The following SNRPE variants were observed in gnomAD, a reference collection of about 807,000 sequenced individuals.
SNRPE encodes the protein small nuclear ribonucleoprotein E.
For missense variants in SNRPE, 53 were observed against 111.6 expected, an observed-to-expected ratio of 0.48 and a Z score of 2.36; for synonymous variants, 35 against 36.7, an observed-to-expected ratio of 0.95 and a Z score of 0.17.
At position 203,864,294 on chromosome 1, in the gene SNRPE, A is replaced by G. The variant is rs1690041310; in HGVS notation, c.144+569A>G. Among the ~76,000 whole-genome samples, 5 of 151,990 alleles carry G rather than the reference A, an allele frequency of 3.3e-5. 1 individual carries two copies. Reference sequence around the variant, plus strand: ...AAAATTATTCGAAAAAAAAATATTGAGCGACAATGTTAGTATGGAGAGGGG... The same window carrying G: ...AAAATTATTCGAAAAAAAAATATTGGGCGACAATGTTAGTATGGAGAGGGG... On this transcript the variant is annotated intron_variant, in intron 3 of 4. Transcript: ENST00000414487.
Position 203,870,037 on chromosome 1 carries a change from T to TTAC in SNRPE, c.*109_*111dup. 3 of 663,602 alleles carry TTAC rather than the reference T, an allele frequency of 4.5e-6. No homozygotes were observed. The highest frequency in any genetic ancestry group is 7.5e-6 in the Non-Finnish European group (3 of 399,836). The allele number at this position is 663,602 out of a possible 1,614,324, so 41.1% of individuals were successfully genotyped here. On this transcript the variant is annotated 3_prime_UTR_variant, in exon 5 of 5. Coordinates refer to ENST00000414487, the MANE Select transcript of SNRPE (RefSeq NM_003094.4). ...TCATATTGTTTTGATTACCCTCGTG[T>TTAC]TACTACAAGATGGCAATAAATACTA...
chr1:203,862,175 T>G, intron 1 of SNRPE, 21 bp from the exon 2 acceptor site: 1 of 1,603,232 alleles, frequency 6.2e-7, no homozygotes, highest in South Asian at 1.1e-5. Flanking sequence ...TTGTATTTTT[T>G]CCTTAGCCAC....
chr1:203,866,930 T>C (rs1324925223), intron 4 of SNRPE, among the ~76,000 whole-genome samples: 2 of 143,346 alleles, frequency 1.4e-5, no homozygotes, highest in African/African-American at 2.6e-5. Context: ...GTATATGATA[T>C]TCCTTGTGTC....
intron 3 of SNRPE, among the ~76,000 whole-genome samples, chr1:203,864,438 A>T (rs200088005): frequency 6.7e-5 from 10 of 148,956 alleles, no homozygotes; most frequent in South Asian, 4.3e-4. Context: ...GCTACCCTAA[A>T]TTTTTTTTTT....
chr1:203,869,289 C>CTTTTTTTTTTTTTTTTTTTTTTTT (rs564988259), intron 4 of SNRPE, among the ~76,000 whole-genome samples: 3 of 66,814 alleles, frequency 4.5e-5, no homozygotes, highest in African/African-American at 6.0e-5. Flanking sequence ...AGGATGGAGT[C>CTTTTTTTTTTTTTTTTTTTTTTTT]TTTTTTTTTT....
intron 4 of SNRPE, among the ~76,000 whole-genome samples, chr1:203,868,082 CAG>C (rs1242713894): frequency 4.9e-5 from 3 of 61,802 alleles, no homozygotes; most frequent in African/African-American, 1.1e-4. Flanking sequence ...TTTTTGGAGA[CAG>C]AGTCTCTGTC....
intron 4 of SNRPE, among the ~76,000 whole-genome samples, chr1:203,866,103 G>A (rs938703245): frequency 2.6e-5 from 4 of 152,164 alleles, no homozygotes; most frequent in Admixed American, 6.5e-5. Context: ...CTGAAAGTCC[G>A]ACATCACTAA....
chr1:203,861,622 G>C lies in SNRPE; in HGVS notation c.-38G>C. ...TTCTTTATTCCGGAAGTTGCTCTCA[G>C]AGGCAGCGTGCGGGTGTGCTCTTTG... is the stretch of plus-strand genomic sequence containing the variant. On this transcript the variant is annotated 5_prime_UTR_variant, in exon 1 of 5. Transcript: ENST00000414487. 1 of 1,572,982 alleles carries C rather than the reference G, an allele frequency of 6.4e-7. No homozygotes were observed. Among genetic ancestry groups the C allele is most frequent in the South Asian group, 1.1e-5 (1 of 90,212 alleles).
intron 4 of SNRPE, 146 bp downstream of exon 4, chr1:203,865,265 TCTA>T (rs1209673227): frequency 2.8e-6 from 2 of 715,346 alleles, no homozygotes; most frequent in African/African-American, 1.8e-5. Flanking sequence ...GAAATCATCC[TCTA>T]CTACTCACTC....
chr1:203,862,182 C>A lies in SNRPE; in HGVS notation c.55-14C>A. ...TGCTGCTTTTGTATTTTTTCCTTAG[C>A]CACTGTGGTGCAGAACCTCATCTTC... On this transcript the variant is annotated splice_polypyrimidine_tract_variant and intron_variant, in intron 1 of 4. Coordinates refer to ENST00000414487, the MANE Select transcript of SNRPE (RefSeq NM_003094.4). 6.2e-7 allele frequency: 1 copy of A among 1,605,352 alleles called. No homozygotes were observed. Among genetic ancestry groups the A allele is most frequent in the Non-Finnish European group, 8.5e-7 (1 of 1,172,034 alleles).
At chr1:203,865,175 T>TAAA in intron 4 of SNRPE, 56 bp downstream of exon 4, 1 of 1,441,168 alleles carries the variant, frequency 6.9e-7, no homozygotes, top group African/African-American at 1.4e-5. Flanking sequence ...ACTTGCAGAA[T>TAAA]TCAGTGACCT....
In SNRPE at chr1:203,867,611, A is replaced by G. The variant is rs200699870; in HGVS notation, c.224-2266A>G. On this transcript the variant is annotated intron_variant, in intron 4 of 4. Transcript: ENST00000414487. The stretch of plus-strand genomic sequence containing the variant: ...TAGATCCCTCTTTGCCCGGTTCACA[A>G]TAGGTTTTGCGCTCCTATGAGAATC... Among the ~76,000 whole-genome samples the G allele has an allele frequency of 1.2e-4, 18 of 152,184 alleles. No individual in the cohort carries two copies. The East Asian group carries it at 2.3e-3, about 20-fold the overall frequency.
intron 4 of SNRPE, among the ~76,000 whole-genome samples, chr1:203,868,629 T>A (rs1276271407): frequency 6.6e-6 from 1 of 152,168 alleles, no homozygotes; most frequent in Non-Finnish European, 1.5e-5. Flanking sequence ...CTGCTTAGAC[T>A]ATTTTTATGA....
At chr1:203,869,810 A>G in intron 4 of SNRPE, 67 bp from the exon 5 acceptor site, 1 of 1,138,134 alleles carries the variant, frequency 8.8e-7, no homozygotes, top group Non-Finnish European at 1.3e-6. Context: ...AACTGGATAC[A>G]AAATTCTGAG....
At chr1:203,867,234 C>G (rs1006711375) in intron 4 of SNRPE, among the ~76,000 whole-genome samples, 1 of 150,192 alleles carries the variant, frequency 6.7e-6, no homozygotes, top group Non-Finnish European at 1.5e-5. Context: ...GAGCTGAGAT[C>G]ACGCCACTGC....
intron 1 of SNRPE, 200 bp from the exon 2 acceptor site, chr1:203,861,996 C>CA (rs1264497179): frequency 1.6e-5 from 10 of 617,282 alleles, no homozygotes; most frequent in Non-Finnish European, 2.6e-5. Context: ...TGGGAAACTC[C>CA]AGGGGGATGA....
chr1:203,869,390 T>C (rs1015973028), intron 4 of SNRPE, among the ~76,000 whole-genome samples: 2 of 137,072 alleles, frequency 1.5e-5, no homozygotes, highest in African/African-American at 5.4e-5. Context: ...CACTGCAACC[T>C]CCGCCTCCCG....
At chr1:203,863,261 A>G (rs1026344969) in intron 2 of SNRPE, among the ~76,000 whole-genome samples, 11 of 151,686 alleles carry the variant, frequency 7.3e-5, no homozygotes, top group Non-Finnish European at 1.2e-4. Context: ...CACAAAGCGA[A>G]TTATTCCGCT....
At chr1:203,862,276 T>G (rs1689993831) in intron 2 of SNRPE, 54 bp downstream of exon 2, 2 of 1,282,942 alleles carry the variant, frequency 1.6e-6, no homozygotes, top group Admixed American at 1.7e-5. Flanking sequence ...TGAACTGATT[T>G]AGTTTTTTGT....
Sources: gnomAD v4.1 joint callset for allele counts (sites outside exome capture counted in the v4.1 genomes callset) on GRCh38, gnomAD v4.1.1 for gene constraint, MANE v1.5 for transcripts, NCBI Gene and HGNC (gene_info 2026-07-23, HGNC 2026-07-21) for gene names.